Variants in HERC2 observed in about 807,000 individuals in gnomAD.
HERC2 encodes the protein HECT and RLD domain containing E3 ubiquitin protein ligase 2, also known as E3 ubiquitin-protein ligase HERC2.
Under a neutral mutation model 537.7 loss-of-function variants are expected in HERC2, and 102 were observed. That is an observed-to-expected ratio of 0.19 (90% confidence interval 0.16 to 0.22). The LOEUF (loss-of-function observed/expected upper bound fraction) is 0.22, where lower values mean the gene tolerates loss of function less well. Among genes scored for constraint, HERC2 ranks in the 10% least tolerant of loss-of-function variants. The pLI is 1.00. For missense variants in HERC2, 4,236 were observed against 6,198.2 expected (o/e 0.68, Z 10.63); for synonymous variants, 2,224 against 2,466.2 (o/e 0.90, Z 2.91).
chr15:28,292,253 A>G (rs74879108), intron 4 of HERC2, among the ~76,000 whole-genome samples: 1 of 136,538 alleles, frequency 7.3e-6, no homozygotes, highest in African/African-American at 2.6e-5. Context: ...AAAAAAAAAA[A>G]CCAGGCAAAG....
At chr15:28,134,282 C>T (rs1031141046) in intron 79 of HERC2, among the ~76,000 whole-genome samples, 4 of 152,164 alleles carry the variant, frequency 2.6e-5, no homozygotes, top group Non-Finnish European at 5.9e-5. Flanking sequence ...TATATGTATA[C>T]GTATAGATGT....
At position 28,113,346 on chromosome 15, in the gene HERC2, C is replaced by A; in HGVS notation, c.14020-63G>T. On this transcript the variant is annotated intron_variant, in intron 91 of 92. Transcript: ENST00000261609. The surrounding 1 kb of genome is among the most constrained non-coding windows in gnomAD (Gnocchi z 7.0). ...CCACCCTGGCATTTCCGCAAGACTC[C>A]GTCACGCTCCCTCTCTACACCAAGG... 4 of 1,514,640 alleles carry A rather than the reference C, an allele frequency of 2.6e-6. No individual in the cohort carries two copies. The highest frequency in any genetic ancestry group is 3.6e-6 in the Non-Finnish European group (4 of 1,096,054). The allele number at this position is 1,514,640 out of a possible 1,614,324, so 93.8% of individuals were successfully genotyped here.
chr15:28,303,687 A>C (rs1168596999), intron 2 of HERC2, among the ~76,000 whole-genome samples: 1 of 152,070 alleles, frequency 6.6e-6, no homozygotes, highest in Non-Finnish European at 1.5e-5. Flanking sequence ...ATGAACACGG[A>C]GTATCTTTTC....
At chr15:28,285,126 C>A (rs567027582) in intron 4 of HERC2, among the ~76,000 whole-genome samples, 1 of 152,080 alleles carries the variant, frequency 6.6e-6, no homozygotes, top group South Asian at 2.1e-4. Flanking sequence ...TCTCTCTCTA[C>A]AGCTGATAAA....
At chr15:28,182,330 T>C (rs1895900079) in intron 57 of HERC2, 71 bp downstream of exon 57, 1 of 917,598 alleles carries the variant, frequency 1.1e-6, no homozygotes, top group African/African-American at 1.6e-5. Context: ...GTAAAGTTAT[T>C]ATAGAAACTT....
chr15:28,159,660 C>A (rs1893371961), intron 69 of HERC2, among the ~76,000 whole-genome samples: 1 of 152,160 alleles, frequency 6.6e-6, no homozygotes, highest in African/African-American at 2.4e-5. Context: ...TTTTTAACTT[C>A]TTTGCAATGG....
chr15:28,208,441 G>A (rs1045380569), intron 44 of HERC2, among the ~76,000 whole-genome samples: 7 of 151,854 alleles, frequency 4.6e-5, no homozygotes, highest in Admixed American at 4.6e-4. Flanking sequence ...CTCATCACCT[G>A]ACGCAGGAGC....
chr15:28,269,134 C>G (rs2240201), intron 11 of HERC2, 114 bp downstream of exon 11: 98,730 of 751,716 alleles, frequency 0.13, 15,937 homozygotes, highest in African/African-American at 0.56. Context: ...ATAAACAGAA[C>G]TTTGTCAATC....
chr15:28,237,157 AT>A (rs749769656), intron 25 of HERC2, 44 bp from the exon 26 acceptor site: 18 of 1,513,324 alleles, frequency 1.2e-5, no homozygotes, highest in Admixed American at 3.4e-5. Flanking sequence ...AACAGAATTA[AT>A]TAAAAACATA....
intron 3 of HERC2, chr15:28,298,723 G>A (rs2076539540): frequency 6.6e-6 from 1 of 152,118 alleles, no homozygotes; most frequent in East Asian, 2.0e-4. Flanking sequence ...ATGAACCCGG[G>A]AGGTGGAGCG....
In HERC2 at chr15:28,186,751, T is replaced by C. The variant is rs1896344711; in HGVS notation, c.8651A>G (p.Tyr2884Cys). The stretch of plus-strand genomic sequence containing the variant: ...TATAGCAATTTCAATATACCTGTGA[T>C]ACTAGACACAAAAACCATGATCTAT... ...TVPLLNDCTE[Y>C]HRYIEIAIKQ... Residue 2884 changes from tyrosine (Y) to cysteine (C), a missense_variant and splice_region_variant, in exon 56 of 93, where the codon TAT becomes TGT. This residue lies in a region of HERC2 where 606 missense variants were observed against 884.5 expected (regional missense o/e 0.69). Transcript: ENST00000261609. 1 of 1,611,192 alleles carries C rather than the reference T, an allele frequency of 6.2e-7. No homozygotes were observed. Among genetic ancestry groups the C allele is most frequent in the African/African-American group, 1.3e-5 (1 of 75,002 alleles).
At chr15:28,277,786 T>A (rs1398719167) in intron 5 of HERC2, among the ~76,000 whole-genome samples, 1 of 152,126 alleles carries the variant, frequency 6.6e-6, no homozygotes, top group Non-Finnish European at 1.5e-5. Flanking sequence ...TTGGTTTAAT[T>A]TACCCTAAAA....
At chr15:28,211,856 A>G (rs948360265) in intron 43 of HERC2, among the ~76,000 whole-genome samples, 1 of 152,212 alleles carries the variant, frequency 6.6e-6, no homozygotes, top group African/African-American at 2.4e-5. Context: ...AGAAAACTCA[A>G]GAAGAGTGGG....
At chr15:28,149,553 A>C (rs961560826) in intron 70 of HERC2, among the ~76,000 whole-genome samples, 17 of 151,684 alleles carry the variant, frequency 1.1e-4, no homozygotes, top group African/African-American at 4.1e-4. Context: ...GAGAATGGCC[A>C]CACCAACATA....
At chr15:28,207,115 C>T (rs1340758524) in intron 44 of HERC2, among the ~76,000 whole-genome samples, 2 of 150,210 alleles carry the variant, frequency 1.3e-5, no homozygotes. Flanking sequence ...ATGCTCCTTC[C>T]CAGATTTCTG....
intron 45 of HERC2, 87 bp from the exon 46 acceptor site, chr15:28,202,701 A>G (rs1213197433): frequency 4.3e-6 from 2 of 461,606 alleles, no homozygotes; most frequent in South Asian, 2.3e-5. Context: ...ATGGCCTTCT[A>G]CTGTGAACTG....
intron 50 of HERC2, among the ~76,000 whole-genome samples, chr15:28,197,032 T>A (rs1446563057): frequency 2.6e-5 from 4 of 152,240 alleles, no homozygotes; most frequent in African/African-American, 9.6e-5. Flanking sequence ...AAATTCTTAT[T>A]TTTAAAATTT....
intron 83 of HERC2, among the ~76,000 whole-genome samples, chr15:28,125,995 A>T (rs1341749841): frequency 4.6e-5 from 7 of 152,202 alleles, no homozygotes; most frequent in Admixed American, 4.6e-4. Context: ...TATTTTTAGC[A>T]GAGACAGGGT....
At chr15:28,188,111 TC>T (rs1896490141) in intron 55 of HERC2, among the ~76,000 whole-genome samples, 2 of 152,108 alleles carry the variant, frequency 1.3e-5, no homozygotes, top group Non-Finnish European at 2.9e-5. Flanking sequence ...GTTTTTTTTT[TC>T]TTTAGCAAGA....
Sources: gnomAD v4.1 joint callset for allele counts (sites outside exome capture counted in the v4.1 genomes callset) on GRCh38, gnomAD v4.1.1 for gene constraint, gnomAD v4.1.1 regional missense constraint, Gnocchi (gnomAD v3.1) non-coding constraint, MANE v1.5 for transcripts, NCBI Gene and HGNC (gene_info 2026-07-23, HGNC 2026-07-21) for gene names.